CTNNA3: variants seen among roughly 807,000 people sequenced by gnomAD.
CTNNA3 encodes the protein catenin alpha 3.
CTNNA3 carries 76 observed loss-of-function variants against 95.7 expected under a neutral mutation model. The observed-to-expected ratio is 0.79, with a 90% confidence interval of 0.66 to 0.96. The LOEUF (loss-of-function observed/expected upper bound fraction) is 0.96, where lower values mean the gene tolerates loss of function less well. Among genes scored for constraint, CTNNA3 ranks in the 40% least tolerant of loss-of-function variants. CTNNA3 has a pLI of 0.00. For synonymous variants in CTNNA3, 431 were observed against 374.4 expected, an observed-to-expected ratio of 1.15 and a Z score of -1.74; for missense variants, 1,191 against 1,089.8, an observed-to-expected ratio of 1.09 and a Z score of -1.31.
At position 66,244,418 on chromosome 10, in the gene CTNNA3, GTAGTTACA is replaced by G. The variant is rs1415613239; in HGVS notation, c.1884+36044_1884+36051del. 7.7e-4 allele frequency among the ~76,000 whole-genome samples: 118 copies of G among 152,286 alleles called. 1 individual carries two copies. Among genetic ancestry groups the G allele is most frequent in the African/African-American group, 2.8e-3 (116 of 41,578 alleles). On this transcript the variant is annotated intron_variant, in intron 13 of 17. Coordinates refer to ENST00000433211, the MANE Select transcript of CTNNA3 (RefSeq NM_013266.4). ...AGGGAACATAGGCAGTAGCCAGGTA[GTAGTTACA>G]GTGGGCTTTGAGCAAGACCCAGTGC...
intron 14 of CTNNA3, among the ~76,000 whole-genome samples, chr10:66,074,708 C>T (rs1478351179): frequency 1.3e-5 from 2 of 151,876 alleles, no homozygotes; most frequent in Admixed American, 6.6e-5. Context: ...ATTGTTCTCT[C>T]TTGTAGTCTA....
At chr10:66,319,988 T>C (rs2092158926) in intron 12 of CTNNA3, among the ~76,000 whole-genome samples, 2 of 152,070 alleles carry the variant, frequency 1.3e-5, no homozygotes, top group South Asian at 4.1e-4. Context: ...ACAGAATTCA[T>C]TGCACTCTCC....
intron 11 of CTNNA3, among the ~76,000 whole-genome samples, chr10:66,506,278 G>C (rs905414919): frequency 6.6e-6 from 1 of 152,090 alleles, no homozygotes; most frequent in Non-Finnish European, 1.5e-5. Context: ...ATATTTGGAG[G>C]GGTTGAATGT....
At chr10:66,321,749 A>T (rs987418771) in intron 12 of CTNNA3, among the ~76,000 whole-genome samples, 8 of 152,114 alleles carry the variant, frequency 5.3e-5, no homozygotes, top group African/African-American at 1.9e-4. Flanking sequence ...AATAAACTTT[A>T]AAAAATTCTC....
Position 65,963,481 on chromosome 10 carries a change from C to A in CTNNA3, c.2400+3131G>T, listed in dbSNP as rs543318009. On this transcript the variant is annotated intron_variant, in intron 17 of 17. Transcript: ENST00000433211. The stretch of plus-strand genomic sequence containing the variant: ...AAACAGGTTTGCGCCACTTATGAAG[C>A]TTTCTCTTGCCTGCTCTGCACATCA... Among the ~76,000 whole-genome samples the A allele has an allele frequency of 2.6e-5, 4 of 152,324 alleles. No individual in the cohort carries two copies. The East Asian group carries it at 7.7e-4, about 29-fold the overall frequency.
intron 5 of CTNNA3, among the ~76,000 whole-genome samples, chr10:67,396,118 A>G (rs561092261): frequency 5.9e-5 from 9 of 152,326 alleles, no homozygotes; most frequent in Admixed American, 2.0e-4. Flanking sequence ...GTAACCAAAA[A>G]GAAATAATCA....
intron 7 of CTNNA3, among the ~76,000 whole-genome samples, chr10:66,822,047 A>T (rs1049375016): frequency 6.7e-6 from 1 of 150,118 alleles, no homozygotes; most frequent in Non-Finnish European, 1.5e-5. Context: ...TATTGTTTAC[A>T]TTATATAAAG....
chr10:66,690,940 C>A (rs776606967), intron 9 of CTNNA3, among the ~76,000 whole-genome samples: 1 of 152,198 alleles, frequency 6.6e-6, no homozygotes, highest in Non-Finnish European at 1.5e-5. Context: ...GTCCCACCAA[C>A]AGCGTAAAAG....
chr10:66,392,482 T>C (rs912651856), intron 11 of CTNNA3, among the ~76,000 whole-genome samples: 9 of 151,834 alleles, frequency 5.9e-5, no homozygotes, highest in Non-Finnish European at 1.2e-4. Context: ...AGATAACATT[T>C]GCAAAACACC....
At chr10:66,963,285 A>G (rs1428642022) in intron 7 of CTNNA3, among the ~76,000 whole-genome samples, 1 of 152,096 alleles carries the variant, frequency 6.6e-6, no homozygotes, top group African/African-American at 2.4e-5. Flanking sequence ...TTAGCTTTGA[A>G]CTCCACCTCT....
chr10:66,714,531 T>G (rs1848393399), intron 9 of CTNNA3, among the ~76,000 whole-genome samples: 1 of 152,180 alleles, frequency 6.6e-6, no homozygotes, highest in South Asian at 2.1e-4. Flanking sequence ...CCTGCTTTGT[T>G]GCAGTAATCC....
chr10:67,103,996 C>T (rs568871655), intron 7 of CTNNA3, among the ~76,000 whole-genome samples: 1 of 151,614 alleles, frequency 6.6e-6, no homozygotes, highest in East Asian at 1.9e-4. Context: ...AACATAAATA[C>T]CCTTGAATAT....
intron 12 of CTNNA3, among the ~76,000 whole-genome samples, chr10:66,360,490 T>C (rs2132421376): frequency 6.6e-6 from 1 of 152,280 alleles, no homozygotes; most frequent in Admixed American, 6.5e-5. Flanking sequence ...CCAAAGTCAA[T>C]GTAGAGATAA....
intron 12 of CTNNA3, among the ~76,000 whole-genome samples, chr10:66,323,679 G>A (rs1589086041): frequency 6.6e-6 from 1 of 150,660 alleles, no homozygotes; most frequent in East Asian, 1.9e-4. Flanking sequence ...AGAAGAAGAA[G>A]AGGGCAGTTC....
chr10:66,087,401 A>G (rs999064099), intron 14 of CTNNA3, among the ~76,000 whole-genome samples: 1 of 152,148 alleles, frequency 6.6e-6, no homozygotes, highest in African/African-American at 2.4e-5. Context: ...CTGTTTCCCC[A>G]GACAATGATG....
At chr10:66,870,564 T>C (rs1844356859) in intron 7 of CTNNA3, among the ~76,000 whole-genome samples, 2 of 152,192 alleles carry the variant, frequency 1.3e-5, no homozygotes, top group Admixed American at 6.5e-5. Flanking sequence ...TGAACAAATT[T>C]CATATTCTTC....
chr10:67,152,935 T>C (rs1314396252), intron 7 of CTNNA3, among the ~76,000 whole-genome samples: 1 of 152,046 alleles, frequency 6.6e-6, no homozygotes, highest in Non-Finnish European at 1.5e-5. Context: ...GCTTTTATAT[T>C]ACCAGTTTTC....
At chr10:66,684,178 G>A (rs1415496121) in intron 9 of CTNNA3, among the ~76,000 whole-genome samples, 2 of 152,062 alleles carry the variant, frequency 1.3e-5, no homozygotes, top group Non-Finnish European at 2.9e-5. Flanking sequence ...CAGGGATATT[G>A]GGGTTATCTG....
At chr10:67,554,872 G>T (rs1589419389) in intron 3 of CTNNA3, among the ~76,000 whole-genome samples, 1 of 152,254 alleles carries the variant, frequency 6.6e-6, no homozygotes, top group East Asian at 1.9e-4. Flanking sequence ...TTCTTCTAGG[G>T]TTTTTATCGT....
Sources: gnomAD v4.1 joint callset for allele counts (sites outside exome capture counted in the v4.1 genomes callset) on GRCh38, gnomAD v4.1.1 for gene constraint, MANE v1.5 for transcripts, NCBI Gene and HGNC (gene_info 2026-07-23, HGNC 2026-07-21) for gene names.